Variants in RAB3C observed in about 807,000 individuals in gnomAD.
RAB3C encodes RAB3C, member RAS oncogene family, also known as ras-related protein Rab-3C.
In RAB3C, 17 loss-of-function variants were observed where a neutral mutation model predicts 26.4. That is an observed-to-expected ratio of 0.64 (90% CI 0.44 to 0.97). The LOEUF (loss-of-function observed/expected upper bound fraction) is 0.97, where lower values mean the gene tolerates loss of function less well. RAB3C is among the 50% of genes least tolerant of loss of function. The pLI is 0.00. For synonymous variants in RAB3C, 91 were observed against 95.9 expected (o/e 0.95, Z 0.30); for missense variants, 242 against 281.9 (o/e 0.86, Z 1.01).
chr5:58,730,370 C>T (rs569663021), intron 3 of RAB3C, among the ~76,000 whole-genome samples: 3 of 152,074 alleles, frequency 2.0e-5, no homozygotes, highest in East Asian at 3.9e-4. Context: ...GAAAACCATT[C>T]CACTGTAGCT....
intron 2 of RAB3C, among the ~76,000 whole-genome samples, chr5:58,641,233 C>G (rs1178529727): frequency 7.9e-5 from 12 of 152,102 alleles, no homozygotes. Flanking sequence ...CAATAGAATG[C>G]GTAGAGTCTC....
chr5:58,806,516 G>A (rs7710951), intron 3 of RAB3C, among the ~76,000 whole-genome samples: 79,764 of 151,962 alleles, frequency 0.52, 21,800 homozygotes, highest in Middle Eastern at 0.66. Flanking sequence ...CCCTGGATAC[G>A]TGATTATTTA....
chr5:58,650,662 T>C (rs1018933207), intron 2 of RAB3C, among the ~76,000 whole-genome samples: 9 of 151,788 alleles, frequency 5.9e-5, no homozygotes, highest in African/African-American at 2.2e-4. Flanking sequence ...AGGAAACTAC[T>C]CCTGTATAAA....
intron 3 of RAB3C, among the ~76,000 whole-genome samples, chr5:58,817,801 A>G (rs1743249620): frequency 6.9e-6 from 1 of 145,678 alleles, no homozygotes; most frequent in Non-Finnish European, 1.5e-5. Context: ...AATTGAATAA[A>G]TAAATGATTA....
intron 3 of RAB3C, among the ~76,000 whole-genome samples, chr5:58,794,051 GTCATAAA>G (rs1469930671): frequency 6.6e-6 from 1 of 152,028 alleles, no homozygotes; most frequent in Admixed American, 6.6e-5. Flanking sequence ...GGTTTGAGAG[GTCATAAA>G]TCAGCAGCAA....
chr5:58,670,538 T>C (rs936373841), intron 2 of RAB3C, among the ~76,000 whole-genome samples: 1 of 152,200 alleles, frequency 6.6e-6, no homozygotes, highest in African/African-American at 2.4e-5. Flanking sequence ...AGCAAAGTTA[T>C]GTAATTATGT....
In RAB3C at chr5:58,852,728, T is replaced by C. The variant is rs564451238; in HGVS notation, c.*1377T>C. 6.6e-6 allele frequency: 1 copy of C among 152,158 alleles called. No individual in the cohort carries two copies. Among genetic ancestry groups the C allele is most frequent in the Non-Finnish European group, 1.5e-5 (1 of 68,024 alleles). 9.4% of individuals were successfully genotyped at this position (152,158 alleles called of 1,614,324 possible). ...GCTGTACAGAGAGCAACAGGGAAAT[T>C]TGGCCTCTGTATCACTGTCCAGCAT... On this transcript the variant is annotated 3_prime_UTR_variant, in exon 5 of 5. Coordinates refer to ENST00000282878, the MANE Select transcript of RAB3C (RefSeq NM_138453.4).
intron 1 of RAB3C, among the ~76,000 whole-genome samples, chr5:58,584,599 A>C (rs1329136316): frequency 6.6e-6 from 1 of 152,184 alleles, no homozygotes; most frequent in East Asian, 1.9e-4. Context: ...AACTGGCTAA[A>C]TTAATCATAT....
At chr5:58,713,786 T>C (rs1394262672) in intron 2 of RAB3C, among the ~76,000 whole-genome samples, 1 of 152,156 alleles carries the variant, frequency 6.6e-6, no homozygotes, top group African/African-American at 2.4e-5. Context: ...CAAGTATTCA[T>C]TGATAAAACA....
chr5:58,607,815 G>T (rs961476339), intron 1 of RAB3C, among the ~76,000 whole-genome samples: 1 of 152,120 alleles, frequency 6.6e-6, no homozygotes, highest in Non-Finnish European at 1.5e-5. Context: ...GCCAAACTAA[G>T]CTTCATAAGT....
intron 3 of RAB3C, chr5:58,822,825 C>A: frequency 1.6e-6 from 1 of 624,004 alleles, no homozygotes; most frequent in Non-Finnish European, 3.0e-6. Flanking sequence ...CTGCCACTGG[C>A]CCACGGGCTT....
rs1297724139 is a variant in RAB3C, at chr5:58,693,240, A to G, written c.253-32762A>G. On this transcript the variant is annotated intron_variant, in intron 2 of 4. Transcript: ENST00000282878. ...TAAATATAGTTAAGATAAAGTTATA[A>G]TTATATAAATTTAATTATATAAATA... 2.7e-5 allele frequency among the ~76,000 whole-genome samples: 4 copies of G among 145,700 alleles called. No individual in the cohort carries two copies. In the East Asian group the frequency reaches 7.8e-4, roughly 28 times the overall value.
chr5:58,640,676 G>A (rs143279306), intron 2 of RAB3C, among the ~76,000 whole-genome samples: 2 of 152,296 alleles, frequency 1.3e-5, no homozygotes, highest in Non-Finnish European at 2.9e-5. Flanking sequence ...CCTCTCATAA[G>A]TGTGGCCAAA....
At chr5:58,780,657 A>ATTC (rs1742251621) in intron 3 of RAB3C, among the ~76,000 whole-genome samples, 1 of 152,050 alleles carries the variant, frequency 6.6e-6, no homozygotes, top group Non-Finnish European at 1.5e-5. Context: ...ATTCAGCAAA[A>ATTC]TTCAGACTGT....
intron 4 of RAB3C, among the ~76,000 whole-genome samples, chr5:58,828,838 A>G (rs1284712510): frequency 1.1e-5 from 1 of 94,360 alleles, no homozygotes; most frequent in African/African-American, 4.1e-5. Context: ...GTGTTTGGAG[A>G]GGGTAGGGAA....
intron 2 of RAB3C, among the ~76,000 whole-genome samples, chr5:58,637,524 T>C (rs1747314873): frequency 6.6e-6 from 1 of 152,180 alleles, no homozygotes; most frequent in Admixed American, 6.6e-5. Flanking sequence ...TTAGAGAAAC[T>C]CTTTAAATTT....
intron 3 of RAB3C, among the ~76,000 whole-genome samples, chr5:58,745,412 A>G (rs1159093901): frequency 3.3e-5 from 5 of 150,876 alleles, no homozygotes; most frequent in African/African-American, 1.2e-4. Flanking sequence ...AAAAAAAAAA[A>G]AAAAAAAGAA....
At position 58,703,543 on chromosome 5, in the gene RAB3C, T is replaced by G. The variant is rs1227069540; in HGVS notation, c.253-22459T>G. On this transcript the variant is annotated intron_variant, in intron 2 of 4. Coordinates refer to ENST00000282878, the MANE Select transcript of RAB3C (RefSeq NM_138453.4). Reference sequence around the variant, plus strand: ...ACAAGTTTTTATTTGGAATTATTATTGTGCCTTAATACCCTATTAAGACAG... The same window carrying G: ...ACAAGTTTTTATTTGGAATTATTATGGTGCCTTAATACCCTATTAAGACAG... Among the ~76,000 whole-genome samples the G allele has an allele frequency of 2.0e-5, 3 of 152,196 alleles. No individual in the cohort carries two copies. In the East Asian group the frequency reaches 5.8e-4, roughly 29 times the overall value.
At chr5:58,813,948 TATA>T in intron 3 of RAB3C, among the ~76,000 whole-genome samples, 1 of 152,276 alleles carries the variant, frequency 6.6e-6, no homozygotes, top group East Asian at 1.9e-4. Context: ...CCTACAGAGC[TATA>T]AAATAGCTCA....
Sources: allele counts gnomAD v4.1 joint callset (sites outside exome capture counted in the v4.1 genomes callset), GRCh38; gene constraint gnomAD v4.1.1; transcripts MANE v1.5; gene names NCBI Gene and HGNC (gene_info 2026-07-23, HGNC 2026-07-21).